KLHL22: variants seen among roughly 807,000 people sequenced by gnomAD.
KLHL22 encodes kelch-like protein 22.
In KLHL22, 18 loss-of-function variants were observed where a neutral mutation model predicts 60.7. The observed-to-expected ratio is 0.30, with a 90% CI of 0.20 to 0.44. The LOEUF (loss-of-function observed/expected upper bound fraction) is 0.44. Among genes scored for constraint, KLHL22 ranks in the 20% least tolerant of loss-of-function variants. KLHL22 has a pLI of 1.00. For synonymous variants in KLHL22, 355 were observed against 354.5 expected (o/e 1.00, Z -0.01); for missense variants, 596 against 852.3 (o/e 0.70, Z 3.74).
intron 3 of KLHL22, among the ~76,000 whole-genome samples, chr22:20,467,383 T>C (rs142847780): frequency 1.3e-5 from 2 of 152,386 alleles, no homozygotes; most frequent in African/African-American, 4.8e-5. Flanking sequence ...CTTGTCTGTC[T>C]TGAGGACATG....
intron 5 of KLHL22, among the ~76,000 whole-genome samples, chr22:20,447,455 G>A (rs2146170343): frequency 6.6e-6 from 1 of 152,324 alleles, no homozygotes; most frequent in South Asian, 2.1e-4. Flanking sequence ...AGTCTAGAGA[G>A]GTGGACGGAG....
intron 2 of KLHL22, chr22:20,481,943 A>G (rs558217942): frequency 2.0e-5 from 3 of 152,452 alleles, no homozygotes; most frequent in Admixed American, 2.0e-4. Context: ...TGAGAGATGG[A>G]CCCTTGCTAT....
At chr22:20,479,465 G>A (rs531021702) in intron 2 of KLHL22, among the ~76,000 whole-genome samples, 61 of 152,206 alleles carry the variant, frequency 4.0e-4, no homozygotes, top group African/African-American at 1.4e-3. Context: ...ACTTTGGGAG[G>A]CTGAGGTGGG....
intron 1 of KLHL22, chr22:20,489,776 T>C: frequency 2.1e-6 from 1 of 471,170 alleles, no homozygotes; most frequent in Non-Finnish European, 4.4e-6. Context: ...ACCTGAGTAG[T>C]GGTCAGGAGA....
intron 2 of KLHL22, among the ~76,000 whole-genome samples, chr22:20,485,334 A>C (rs62219872): frequency 1.3e-5 from 2 of 152,072 alleles, no homozygotes; most frequent in Non-Finnish European, 2.9e-5. Flanking sequence ...GTGCAATGAA[A>C]AGTTATTAAC....
At chr22:20,450,796 C>T (rs750905638) in intron 5 of KLHL22, 5 of 1,439,586 alleles carry the variant, frequency 3.5e-6, no homozygotes, top group Non-Finnish European at 4.9e-6. Context: ...GATGCCCCTG[C>T]TAACCCTCAG....
intron 2 of KLHL22, among the ~76,000 whole-genome samples, chr22:20,472,505 C>T (rs1010084058): frequency 1.3e-5 from 2 of 152,100 alleles, no homozygotes; most frequent in African/African-American, 4.8e-5. Context: ...GCGGGCAGAT[C>T]ACCTGAGGTC....
In KLHL22 at chr22:20,489,246, T is replaced by A. The variant is rs1388019445; in HGVS notation, c.-33-2A>T. Reference sequence around the variant, plus strand: ...CACAAGATCCCTTACAACTGTGGCCTGACAGTTGGCAAAACAGGGGACAGG... The same window carrying A: ...CACAAGATCCCTTACAACTGTGGCCAGACAGTTGGCAAAACAGGGGACAGG... On this transcript the variant is annotated splice_acceptor_variant, in intron 1 of 6. Coordinates refer to ENST00000328879, the MANE Select transcript of KLHL22 (RefSeq NM_032775.4). LOFTEE classifies it low-confidence loss of function (5UTR_SPLICE). The A allele has an allele frequency of 1.9e-6, 3 of 1,606,772 alleles. No homozygotes were observed. In the South Asian group the frequency reaches 3.3e-5, roughly 18 times the overall value.
intron 2 of KLHL22, among the ~76,000 whole-genome samples, chr22:20,484,707 T>C (rs1242797916): frequency 6.6e-6 from 1 of 150,420 alleles, no homozygotes; most frequent in Non-Finnish European, 1.5e-5. Flanking sequence ...GCTGGGATTA[T>C]AGGTGTGAGC....
chr22:20,490,628 A>G (rs1427562021), intron 1 of KLHL22, among the ~76,000 whole-genome samples: 1 of 152,048 alleles, frequency 6.6e-6, no homozygotes, highest in Non-Finnish European at 1.5e-5. Flanking sequence ...TTGGAAGACA[A>G]TTTTTCCACG....
intron 5 of KLHL22, chr22:20,451,118 T>G (rs146530371): frequency 6.7e-7 from 1 of 1,499,188 alleles, no homozygotes; most frequent in East Asian, 2.3e-5. Context: ...ATCTACGTCA[T>G]TGGTGGCTGT....
intron 4 of KLHL22, among the ~76,000 whole-genome samples, chr22:20,463,273 A>C (rs187730238): frequency 1.1e-3 from 171 of 152,274 alleles, no homozygotes; most frequent in Middle Eastern, 3.4e-3. Context: ...GGGACTGGTT[A>C]TTGGTTACAG....
chr22:20,442,042 T>G lies in KLHL22; in HGVS notation c.*31A>C. 1.3e-6 allele frequency: 2 copies of G among 1,489,608 alleles called. No homozygotes were observed. The highest frequency in any genetic ancestry group is 1.8e-6 in the Non-Finnish European group (2 of 1,119,322). 92.3% of individuals were successfully genotyped at this position (1,489,608 alleles called of 1,614,324 possible). A position where few individuals can be genotyped will look rare whatever the true frequency, so the allele number is the denominator to read the frequency against. On this transcript the variant is annotated 3_prime_UTR_variant, in exon 7 of 7. Coordinates refer to ENST00000328879, the MANE Select transcript of KLHL22 (RefSeq NM_032775.4). Reference sequence around the variant, plus strand: ...GTTTCACTGCCCTGCAGCCCCAGCCTCCCTTCCCTCTGATGCCAGGCACAG... The same window carrying G: ...GTTTCACTGCCCTGCAGCCCCAGCCGCCCTTCCCTCTGATGCCAGGCACAG...
At chr22:20,460,331 G>A (rs1021447142) in intron 4 of KLHL22, among the ~76,000 whole-genome samples, 2 of 152,090 alleles carry the variant, frequency 1.3e-5, no homozygotes, top group Non-Finnish European at 2.9e-5. Flanking sequence ...ACACAGGGCC[G>A]GGCGTGGTGG....
intron 5 of KLHL22, among the ~76,000 whole-genome samples, chr22:20,455,083 T>C (rs1178638519): frequency 6.6e-6 from 1 of 152,210 alleles, no homozygotes; most frequent in Non-Finnish European, 1.5e-5. Flanking sequence ...GGTTTTACCA[T>C]GTTGGCCAGG....
rs1163449148 is a variant in KLHL22 at position 20,471,501 on chromosome 22, C to A, written c.242G>T (p.Gly81Val). 6.2e-7 allele frequency: 1 copy of A among 1,613,796 alleles called. No individual in the cohort carries two copies. Among genetic ancestry groups the A allele is most frequent in the African/African-American group, 1.3e-5 (1 of 75,048 alleles). ...TTCCTGTTCCATCTCCTTCAATCCC[C>A]CAGCAAACATTCCTCTGCAAAGTGA... is the stretch of plus-strand genomic sequence containing the variant. Reference protein sequence around the residue: ...SCDYFRGMFAGGLKEMEQEEV... With the variant: ...SCDYFRGMFAVGLKEMEQEEV... Residue 81 changes from glycine (G) to valine (V), a missense_variant, in exon 3 of 7, where the codon GGG becomes GTG. Gly to Val is a moderately radical substitution (Grantham distance 109). Coordinates refer to ENST00000328879, the MANE Select transcript of KLHL22 (RefSeq NM_032775.4).
At chr22:20,471,040 A>G (rs1170949920) in intron 3 of KLHL22, among the ~76,000 whole-genome samples, 2 of 152,256 alleles carry the variant, frequency 1.3e-5, no homozygotes, top group Non-Finnish European at 2.9e-5. Flanking sequence ...GGACGTCCAC[A>G]TGCAGCCTCG....
chr22:20,478,963 T>C (rs1393353624), intron 2 of KLHL22, among the ~76,000 whole-genome samples: 1 of 151,698 alleles, frequency 6.6e-6, no homozygotes, highest in African/African-American at 2.4e-5. Context: ...ACCCCGTCTC[T>C]AGTAAAAATA....
At chr22:20,448,917 C>T (rs1334569704) in intron 5 of KLHL22, among the ~76,000 whole-genome samples, 1 of 152,236 alleles carries the variant, frequency 6.6e-6, no homozygotes, top group Non-Finnish European at 1.5e-5. Context: ...AGGTAGTTCT[C>T]TCACTGTGGC....
Sources: gnomAD v4.1 joint callset for allele counts (sites outside exome capture counted in the v4.1 genomes callset) on GRCh38, gnomAD v4.1.1 for gene constraint, MANE v1.5 for transcripts, NCBI Gene and HGNC (gene_info 2026-07-23, HGNC 2026-07-21) for gene names.